KANSL1L: variants seen among roughly 807,000 people sequenced by gnomAD.
The protein encoded by KANSL1L is KAT8 regulatory NSL complex subunit 1-like protein.
In KANSL1L, 25 loss-of-function variants were observed where a neutral mutation model predicts 108.6. The ratio of observed to expected loss-of-function variants is 0.23; its 90% CI spans 0.17 to 0.32. The LOEUF (loss-of-function observed/expected upper bound fraction) is 0.32. Among genes scored for constraint, KANSL1L ranks in the 10% least tolerant of loss-of-function variants. KANSL1L has a pLI of 1.00. For synonymous variants in KANSL1L, 405 were observed against 395.1 expected, an observed-to-expected ratio of 1.03 and a Z score of -0.30; for missense variants, 1,137 against 1,125.7, an observed-to-expected ratio of 1.01 and a Z score of -0.14.
At chr2:210,111,060 C>T (rs2094899385) in intron 3 of KANSL1L, among the ~76,000 whole-genome samples, 1 of 151,758 alleles carries the variant, frequency 6.6e-6, no homozygotes. Context: ...TGCAGTGAGC[C>T]GTAATCATGC....
chr2:210,147,772 T>C (rs2095275694), intron 2 of KANSL1L, among the ~76,000 whole-genome samples: 1 of 152,222 alleles, frequency 6.6e-6, no homozygotes, highest in Non-Finnish European at 1.5e-5. Flanking sequence ...AATAATGAAA[T>C]GTTTTCAGTC....
chr2:210,100,649 G>T (rs2094784848), intron 4 of KANSL1L, among the ~76,000 whole-genome samples: 1 of 152,020 alleles, frequency 6.6e-6, no homozygotes, highest in African/African-American at 2.4e-5. Flanking sequence ...AAGTTTTTTT[G>T]TTTGTTTCAG....
chr2:210,159,645 T>A (rs2095351139), intron 1 of KANSL1L, among the ~76,000 whole-genome samples: 1 of 152,236 alleles, frequency 6.6e-6, no homozygotes, highest in Non-Finnish European at 1.5e-5. Context: ...TCACAAGTAG[T>A]AACAACACCT....
chr2:210,048,438 C>T lies in KANSL1L; in HGVS notation c.1756-4334G>A, dbSNP rs946113557. 3.3e-5 allele frequency among the ~76,000 whole-genome samples: 5 copies of T among 151,622 alleles called. No individual in the cohort carries two copies. The East Asian group carries it at 9.7e-4, about 29-fold the overall frequency. The stretch of plus-strand genomic sequence containing the variant: ...TTCTGTCTTTAGCTCTGTCTATACC[C>T]TTTTTAATCATATTAGCAATTTTCT... On this transcript the variant is annotated intron_variant, in intron 6 of 14. Transcript: ENST00000281772.
intron 5 of KANSL1L, among the ~76,000 whole-genome samples, chr2:210,084,609 CTTTT>C (rs879594833): frequency 6.7e-6 from 1 of 148,686 alleles, no homozygotes; most frequent in Non-Finnish European, 1.5e-5. Flanking sequence ...ATAGTGATTT[CTTTT>C]TTTTTTCTCT....
intron 3 of KANSL1L, among the ~76,000 whole-genome samples, chr2:210,107,163 T>C (rs918500761): frequency 2.6e-5 from 4 of 152,054 alleles, no homozygotes; most frequent in African/African-American, 9.7e-5. Flanking sequence ...AAACACTGTG[T>C]GAAAAAAGAA....
At chr2:210,146,629 C>CTGTAGAGT (rs2095267840) in intron 2 of KANSL1L, among the ~76,000 whole-genome samples, 1 of 152,098 alleles carries the variant, frequency 6.6e-6, no homozygotes. Context: ...TTATGATCAC[C>CTGTAGAGT]TGTAGAGTTT....
chr2:210,076,056 A>T (rs976392753), intron 5 of KANSL1L, among the ~76,000 whole-genome samples: 3 of 152,258 alleles, frequency 2.0e-5, no homozygotes, highest in Non-Finnish European at 2.9e-5. Context: ...ACAATAATTC[A>T]TGTCAATTAC....
Position 210,153,555 on chromosome 2 carries a change from G to C in KANSL1L, c.1028C>G (p.Ala343Gly), listed in dbSNP as rs1481522779. 1 of 1,613,986 alleles carries C rather than the reference G, an allele frequency of 6.2e-7. No individual in the cohort carries two copies. Among genetic ancestry groups the C allele is most frequent in the Non-Finnish European group, 8.5e-7 (1 of 1,179,986 alleles). The change falls in exon 2 of 15, where the codon GCA (alanine) becomes GGA (glycine). Residue 343 changes from alanine (A) to glycine (G), a missense_variant. Around this residue, in one of 3 missense-constraint regions of KANSL1L, gnomAD observed 556 missense variants for 537.7 expected, o/e 1.03. Coordinates refer to ENST00000281772, the MANE Select transcript of KANSL1L (RefSeq NM_152519.4). Reference protein sequence around the residue: ...SHVEEGLDSDATDSSSDDDLD... With the variant: ...SHVEEGLDSDGTDSSSDDDLD... ...ATCGTCATCAGAGCTGCTATCAGTTGCATCGGAATCCAAACCCTCTTCAAC... is the reference window on the plus strand; with the variant it reads ...ATCGTCATCAGAGCTGCTATCAGTTCCATCGGAATCCAAACCCTCTTCAAC...
intron 3 of KANSL1L, among the ~76,000 whole-genome samples, chr2:210,110,315 T>G (rs2094891593): frequency 1.3e-5 from 2 of 152,204 alleles, no homozygotes; most frequent in African/African-American, 4.8e-5. Flanking sequence ...AGTCTGATAT[T>G]TAGCTCCAAA....
intron 4 of KANSL1L, among the ~76,000 whole-genome samples, 193 bp from the exon 5 acceptor site, chr2:210,098,400 C>A (rs917881143): frequency 3.3e-5 from 5 of 152,056 alleles, no homozygotes; most frequent in African/African-American, 1.2e-4. Context: ...CTTTAAGTAC[C>A]CATTCTTTTC....
At position 210,028,912 on chromosome 2, in the gene KANSL1L, T is replaced by C; in HGVS notation, c.2329A>G (p.Ile777Val). The C allele has an allele frequency of 6.2e-7, 1 of 1,604,534 alleles. No homozygotes were observed. Among genetic ancestry groups the C allele is most frequent in the South Asian group, 1.1e-5 (1 of 90,660 alleles). Residue 777 changes from isoleucine to valine, a missense_variant, in exon 11 of 15, where the codon ATT becomes GTT. This residue lies in a region of KANSL1L where 575 missense variants were observed against 567.1 expected (regional missense o/e 1.01). Transcript: ENST00000281772. ...GCTGGGGCTACTAATGACATGGGAA[T>C]CACAATGTTATCTATGTCATAAGAG... ...ESSYDIDNIV[I>V]PMSLVAPAKL...
chr2:210,150,924 T>C (rs1254753777), intron 2 of KANSL1L, among the ~76,000 whole-genome samples: 3 of 152,274 alleles, frequency 2.0e-5, no homozygotes, highest in African/African-American at 7.2e-5. Context: ...CACAATTTAA[T>C]GACAAACTGT....
chr2:210,024,303 T>C (rs1453894965), intron 13 of KANSL1L, 102 bp from the exon 14 acceptor site: 1 of 834,376 alleles, frequency 1.2e-6, no homozygotes, highest in Non-Finnish European at 1.7e-6. Context: ...ACTTGGTAAC[T>C]TTAAACAGTT....
chr2:210,122,750 C>A (rs1028547545), intron 3 of KANSL1L, among the ~76,000 whole-genome samples: 3 of 152,006 alleles, frequency 2.0e-5, no homozygotes, highest in South Asian at 4.1e-4. Flanking sequence ...AGTGAAGACA[C>A]AACCCACAGA....
At chr2:210,128,238 T>C (rs183259346) in intron 3 of KANSL1L, among the ~76,000 whole-genome samples, 14 of 152,292 alleles carry the variant, frequency 9.2e-5, no homozygotes, top group African/African-American at 2.4e-4. Flanking sequence ...AGTTCCCATA[T>C]GATCCAGCAA....
chr2:210,130,116 T>C (rs905920468), intron 2 of KANSL1L, among the ~76,000 whole-genome samples: 1 of 152,148 alleles, frequency 6.6e-6, no homozygotes, highest in African/African-American at 2.4e-5. Context: ...CCGCTGACTG[T>C]AGAACGCCAA....
chr2:210,079,676 A>G (rs112865321), intron 5 of KANSL1L: 288 of 20,642 alleles, frequency 0.014, 23 homozygotes, highest in East Asian at 0.07. Flanking sequence ...GTATGTGTGT[A>G]TATATATATA....
At chr2:210,063,381 G>A (rs2094438527) in intron 6 of KANSL1L, among the ~76,000 whole-genome samples, 1 of 152,222 alleles carries the variant, frequency 6.6e-6, no homozygotes, top group Non-Finnish European at 1.5e-5. Flanking sequence ...AGCCCCTACT[G>A]GGGCACCACC....
Sources: allele counts gnomAD v4.1 joint callset (sites outside exome capture counted in the v4.1 genomes callset), GRCh38; gene constraint gnomAD v4.1.1; regional missense constraint gnomAD v4.1.1; transcripts MANE v1.5; gene names NCBI Gene and HGNC (gene_info 2026-07-23, HGNC 2026-07-21).